SLC14A2: variants seen among roughly 807,000 people sequenced by gnomAD.
SLC14A2 encodes urea transporter 2.
In SLC14A2, 91 loss-of-function variants were observed where a neutral mutation model predicts 104.6. That is an observed-to-expected ratio of 0.87 (90% CI 0.73 to 1.04). The LOEUF (loss-of-function observed/expected upper bound fraction) is 1.04, where lower values mean the gene tolerates loss of function less well. SLC14A2 is among the 50% of genes least tolerant of loss of function. The probability of loss-of-function intolerance (pLI) is 0.00; values close to 1 mark genes in which losing one functional copy is unlikely to be tolerated. For synonymous variants in SLC14A2, 476 were observed against 466.4 expected (o/e 1.02, Z -0.27); for missense variants, 1,189 against 1,156.0 (o/e 1.03, Z -0.41).
rs530750024 is a variant in SLC14A2, at chr18:45,444,390, C to G, written c.-124-38843C>G. ...TATTCTGATCCTGGCTCAGACCCCACTCCAGCCCCAAAGTCAGTAAGAAAG... is the reference window on the plus strand; with the variant it reads ...TATTCTGATCCTGGCTCAGACCCCAGTCCAGCCCCAAAGTCAGTAAGAAAG... On this transcript the variant is annotated intron_variant, in intron 1 of 20. Transcript: ENST00000586448. 2.0e-5 allele frequency among the ~76,000 whole-genome samples: 3 copies of G among 152,336 alleles called. No homozygotes were observed. In the South Asian group the frequency reaches 6.2e-4, roughly 32 times the overall value.
intron 2 of SLC14A2, among the ~76,000 whole-genome samples, chr18:45,558,705 A>G (rs2044163683): frequency 6.6e-6 from 1 of 152,240 alleles, no homozygotes; most frequent in Admixed American, 6.5e-5. Context: ...ATTCGCCACA[A>G]GTGTCCATTT....
At chr18:45,362,135 C>T (rs2085618056) in intron 1 of SLC14A2, among the ~76,000 whole-genome samples, 1 of 152,252 alleles carries the variant, frequency 6.6e-6, no homozygotes, top group Non-Finnish European at 1.5e-5. Flanking sequence ...CACTTCTTCA[C>T]TCACTTGCTC....
At chr18:45,503,278 C>T (rs886704393) in intron 2 of SLC14A2, among the ~76,000 whole-genome samples, 12 of 152,096 alleles carry the variant, frequency 7.9e-5, no homozygotes, top group African/African-American at 2.9e-4. Flanking sequence ...GATTAGGGAA[C>T]AGGCTATGGT....
At chr18:45,494,588 G>T (rs1404730679) in intron 2 of SLC14A2, among the ~76,000 whole-genome samples, 12 of 151,506 alleles carry the variant, frequency 7.9e-5, no homozygotes, top group Admixed American at 2.6e-4. Flanking sequence ...TTTAAATAGC[G>T]ACAGGGTCTC....
chr18:45,267,607 G>A (rs981388808), intron 1 of SLC14A2, among the ~76,000 whole-genome samples: 1 of 152,166 alleles, frequency 6.6e-6, no homozygotes, highest in Non-Finnish European at 1.5e-5. Flanking sequence ...AAGATATCAA[G>A]AACTACAAAT....
chr18:45,498,585 C>T (rs543070960), intron 2 of SLC14A2, among the ~76,000 whole-genome samples: 26 of 152,326 alleles, frequency 1.7e-4, no homozygotes, highest in Non-Finnish European at 3.7e-4. Flanking sequence ...TCCCTCCCAT[C>T]TCCACTCCTG....
At chr18:45,663,931 C>T in intron 11 of SLC14A2, 24 bp downstream of exon 11, 1 of 1,593,542 alleles carries the variant, frequency 6.3e-7, no homozygotes. Context: ...CCCCCTCACG[C>T]TTGGATCCCT....
At chr18:45,643,015 G>C in intron 8 of SLC14A2, 117 bp from the exon 9 acceptor site, 1 of 836,036 alleles carries the variant, frequency 1.2e-6, no homozygotes, top group Admixed American at 1.9e-5. Flanking sequence ...AGAATCTGAG[G>C]CTGCAGGAGA....
chr18:45,171,338 T>A, the SLC14A2 span, among the ~76,000 whole-genome samples: 1 of 151,682 alleles, frequency 6.6e-6, no homozygotes, highest in South Asian at 2.1e-4. Flanking sequence ...GAAAAAAAAA[T>A]GAGATCTTTA....
chr18:45,391,079 C>A (rs2085956726), intron 1 of SLC14A2, among the ~76,000 whole-genome samples: 1 of 152,110 alleles, frequency 6.6e-6, no homozygotes, highest in African/African-American at 2.4e-5. Flanking sequence ...TCCCTCCCCC[C>A]TCCACCCACC....
the SLC14A2 span, among the ~76,000 whole-genome samples, chr18:45,199,667 T>C: frequency 2.0e-5 from 3 of 152,340 alleles, no homozygotes; most frequent in African/African-American, 7.2e-5. Flanking sequence ...AGTTTTCTCT[T>C]GTGCTCCTTC....
chr18:45,557,476 T>C (rs1366749835), intron 2 of SLC14A2, among the ~76,000 whole-genome samples: 1 of 152,224 alleles, frequency 6.6e-6, no homozygotes, highest in East Asian at 1.9e-4. Flanking sequence ...GGCTATGTGC[T>C]CTTGAACTTC....
At chr18:45,262,682 G>A (rs2084552005) in intron 1 of SLC14A2, among the ~76,000 whole-genome samples, 1 of 152,156 alleles carries the variant, frequency 6.6e-6, no homozygotes, top group African/African-American at 2.4e-5. Context: ...GGATGGGGGA[G>A]CCACTTTGTA....
intron 2 of SLC14A2, among the ~76,000 whole-genome samples, chr18:45,560,543 C>T (rs2044187464): frequency 6.6e-6 from 1 of 152,204 alleles, no homozygotes; most frequent in East Asian, 1.9e-4. Flanking sequence ...GATATCTCCC[C>T]TACCTGCCCA....
intron 2 of SLC14A2, among the ~76,000 whole-genome samples, chr18:45,506,629 C>T (rs1013469353): frequency 1.3e-5 from 2 of 152,140 alleles, no homozygotes; most frequent in African/African-American, 4.8e-5. Context: ...CCACCACAAG[C>T]CAAGGAATGC....
chr18:45,451,082 A>G (rs989509838), intron 1 of SLC14A2, among the ~76,000 whole-genome samples: 5 of 152,220 alleles, frequency 3.3e-5, no homozygotes, highest in Non-Finnish European at 7.3e-5. Context: ...TTGGCCTGCC[A>G]TATATAAAAA....
rs760797521 is a variant in SLC14A2, at chr18:45,666,935, G to A, written c.1558G>A (p.Asp520Asn). The change falls in exon 13 of 20, where the codon GAT becomes AAT. Residue 520 changes from aspartate (D) to asparagine (N), a missense_variant and splice_region_variant. Transcript: ENST00000255226. ...RYRKPTVELL[D>N]LDTMEESSEI... The stretch of plus-strand genomic sequence containing the variant: ...TCTTGCCTATCTCTGTCCTGGACAG[G>A]ATCTGGACACCATGGAGGAGAGCTC... The A allele has an allele frequency of 1.1e-5, 18 of 1,613,668 alleles. No homozygotes were observed. The South Asian group carries it at 1.8e-4, about 16-fold the overall frequency.
At chr18:45,352,559 T>G (rs148792497) in intron 1 of SLC14A2, among the ~76,000 whole-genome samples, 2,146 of 152,254 alleles carry the variant, frequency 0.014, 32 homozygotes, top group South Asian at 0.059. Flanking sequence ...GATAGAATGA[T>G]GTGTAAGGGC....
intron 1 of SLC14A2, among the ~76,000 whole-genome samples, chr18:45,214,959 G>T (rs1362179106): frequency 1.4e-5 from 2 of 145,034 alleles, no homozygotes; most frequent in African/African-American, 5.0e-5. Flanking sequence ...AGAAAAAAAA[G>T]ATACCTAATA....
Sources: allele counts gnomAD v4.1 joint callset (sites outside exome capture counted in the v4.1 genomes callset), GRCh38; gene constraint gnomAD v4.1.1; transcripts MANE v1.5; gene names NCBI Gene and HGNC (gene_info 2026-07-23, HGNC 2026-07-21).